Variants in PSD3 observed in about 807,000 individuals in gnomAD.
The protein encoded by PSD3 is PH and SEC7 domain-containing protein 3.
In PSD3, 49 loss-of-function variants were observed where a neutral mutation model predicts 105.5. The ratio of observed to expected loss-of-function variants is 0.46; its 90% CI spans 0.37 to 0.59. The LOEUF (loss-of-function observed/expected upper bound fraction) is 0.59. PSD3 is among the 20% of genes least tolerant of loss of function. PSD3 has a pLI of 0.00. For missense variants in PSD3, 1,561 were observed against 1,263.8 expected, an observed-to-expected ratio of 1.24 and a Z score of -3.57; for synonymous variants, 557 against 457.8, an observed-to-expected ratio of 1.22 and a Z score of -2.77.
At chr8:18,661,800 G>C (rs567034217) in intron 9 of PSD3, among the ~76,000 whole-genome samples, 2 of 152,160 alleles carry the variant, frequency 1.3e-5, no homozygotes, top group African/African-American at 2.4e-5. Context: ...CCATTTTAGG[G>C]AGAAGTACAT....
chr8:18,730,982 T>C (rs1488073901), intron 9 of PSD3, among the ~76,000 whole-genome samples: 1 of 152,316 alleles, frequency 6.6e-6, no homozygotes, highest in Non-Finnish European at 1.5e-5. Context: ...AGATAATTTC[T>C]TTCTAAAAGT....
intron 4 of PSD3, among the ~76,000 whole-genome samples, chr8:18,864,275 G>A (rs1255170964): frequency 6.6e-6 from 1 of 152,190 alleles, no homozygotes; most frequent in African/African-American, 2.4e-5. Context: ...CTTACCATCT[G>A]TGTGACCTTT....
Position 19,011,841 on chromosome 8 carries a change from T to C in PSD3, c.21+1722A>G, listed in dbSNP as rs111261046. On this transcript the variant is annotated intron_variant, in intron 1 of 15. Transcript: ENST00000327040. ...AATAAGGTTATTTTAGCTTTGTAGC[T>C]CTAATCACTCTCCCACATTCAATGG... 1.1e-3 allele frequency among the ~76,000 whole-genome samples: 168 copies of C among 152,018 alleles called. 1 individual carries two copies. Among genetic ancestry groups the C allele is most frequent in the African/African-American group, 3.7e-3 (155 of 41,484 alleles).
At chr8:18,956,251 G>A (rs566731389) in intron 1 of PSD3, among the ~76,000 whole-genome samples, 7 of 152,304 alleles carry the variant, frequency 4.6e-5, no homozygotes, top group African/African-American at 1.2e-4. Context: ...AGGCTGAGGA[G>A]AATGAAGTAT....
At chr8:18,820,269 T>A (rs1413083106) in intron 4 of PSD3, among the ~76,000 whole-genome samples, 1 of 151,184 alleles carries the variant, frequency 6.6e-6, no homozygotes, top group Non-Finnish European at 1.5e-5. Context: ...TATGAAAATA[T>A]ACTTTTAAAT....
intron 2 of PSD3, among the ~76,000 whole-genome samples, chr8:18,906,868 T>C (rs1003189494): frequency 1.3e-5 from 2 of 152,078 alleles, no homozygotes; most frequent in African/African-American, 4.8e-5. Context: ...GGCAAAACAC[T>C]CCCATTGCCT....
chr8:19,030,047 T>C (rs1827706686), intron 1 of PSD3, among the ~76,000 whole-genome samples: 1 of 152,216 alleles, frequency 6.6e-6, no homozygotes, highest in South Asian at 2.1e-4. Flanking sequence ...CATCCTTGCT[T>C]AGTTTCTGAT....
At chr8:18,703,675 G>A (rs1585670006) in intron 9 of PSD3, among the ~76,000 whole-genome samples, 1 of 152,294 alleles carries the variant, frequency 6.6e-6, no homozygotes, top group East Asian at 1.9e-4. Context: ...AATGGATGCT[G>A]TTAATATTTC....
At chr8:18,560,166 T>C (rs1308291074) in intron 14 of PSD3, among the ~76,000 whole-genome samples, 2 of 128,998 alleles carry the variant, frequency 1.6e-5, no homozygotes, top group African/African-American at 2.9e-5. Context: ...ATAAGAAAGA[T>C]ACACATTTTA....
intron 15 of PSD3, among the ~76,000 whole-genome samples, chr8:18,544,072 G>C (rs894380883): frequency 1.3e-5 from 2 of 149,718 alleles, no homozygotes; most frequent in African/African-American, 2.5e-5. Context: ...CAGGGCAAAA[G>C]GCCATCTTAA....
intron 9 of PSD3, among the ~76,000 whole-genome samples, chr8:18,729,935 A>G (rs866975709): frequency 6.6e-6 from 1 of 152,210 alleles, no homozygotes; most frequent in South Asian, 2.1e-4. Flanking sequence ...TATCACATTC[A>G]TTTATTTCCA....
At chr8:18,916,430 G>T (rs1018308682) in intron 2 of PSD3, among the ~76,000 whole-genome samples, 1 of 148,960 alleles carries the variant, frequency 6.7e-6, no homozygotes, top group Non-Finnish European at 1.5e-5. Context: ...CATCATTTGT[G>T]ACAAAACGGA....
intron 9 of PSD3, among the ~76,000 whole-genome samples, chr8:18,670,777 G>A (rs1799741588): frequency 6.6e-6 from 1 of 152,156 alleles, no homozygotes; most frequent in African/African-American, 2.4e-5. Context: ...GGAAAAATGT[G>A]TGCGAGTATC....
intron 11 of PSD3, 110 bp downstream of exon 11, chr8:18,632,503 C>G (rs1400566887): frequency 3.3e-6 from 4 of 1,196,664 alleles, no homozygotes; most frequent in African/African-American, 1.6e-5. Flanking sequence ...AAGAATGTGT[C>G]TATAGATAAA....
At chr8:18,812,048 G>A (rs1811739521) in intron 4 of PSD3, among the ~76,000 whole-genome samples, 1 of 152,128 alleles carries the variant, frequency 6.6e-6, no homozygotes, top group Non-Finnish European at 1.5e-5. Flanking sequence ...TGGGCCATAT[G>A]ACTTCCTAAA....
At chr8:18,901,522 T>C (rs1819501540) in intron 2 of PSD3, among the ~76,000 whole-genome samples, 1 of 152,196 alleles carries the variant, frequency 6.6e-6, no homozygotes, top group Non-Finnish European at 1.5e-5. Context: ...CTCCTTTCGT[T>C]CCTTTCTTCC....
rs959508506 is a variant in PSD3 at position 19,067,781 on chromosome 8, C to G, written c.324+16425G>C. Among the ~76,000 whole-genome samples the G allele has an allele frequency of 3.9e-5, 6 of 152,332 alleles. No homozygotes were observed. In the South Asian group the frequency reaches 1.2e-3, roughly 32 times the overall value. ...CGTCTGCATGACTCATTTCCTCCCACTGGAGCCAACTGGGTGACTACTGGG... is the reference window on the plus strand; with the variant it reads ...CGTCTGCATGACTCATTTCCTCCCAGTGGAGCCAACTGGGTGACTACTGGG... On this transcript the variant is annotated intron_variant, in intron 1 of 1. Transcript: ENST00000521475.
At chr8:18,602,551 T>G (rs1252125164) in intron 11 of PSD3, among the ~76,000 whole-genome samples, 1 of 152,158 alleles carries the variant, frequency 6.6e-6, no homozygotes, top group Non-Finnish European at 1.5e-5. Flanking sequence ...GAGCAATTAT[T>G]CAACGGTATT....
chr8:18,851,471 C>T (rs1032263149), intron 4 of PSD3, among the ~76,000 whole-genome samples: 1 of 152,214 alleles, frequency 6.6e-6, no homozygotes, highest in Non-Finnish European at 1.5e-5. Context: ...CTCAGGACTT[C>T]AGGACAGGAT....
Sources: allele counts gnomAD v4.1 joint callset (sites outside exome capture counted in the v4.1 genomes callset), GRCh38; gene constraint gnomAD v4.1.1; transcripts MANE v1.5; gene names NCBI Gene and HGNC (gene_info 2026-07-23, HGNC 2026-07-21).